The following BMP1 variants were observed in gnomAD, a reference collection of about 807,000 sequenced individuals.
The protein encoded by BMP1 is bone morphogenetic protein 1, also known as mammalian tolloid protein.
Under a neutral mutation model 116.8 loss-of-function variants are expected in BMP1, and 63 were observed. The ratio of observed to expected loss-of-function variants is 0.54; its 90% CI spans 0.44 to 0.67. The LOEUF (loss-of-function observed/expected upper bound fraction) is 0.67. Among genes scored for constraint, BMP1 ranks in the 30% least tolerant of loss-of-function variants. BMP1 has a pLI of 0.00. For missense variants in BMP1, 1,183 were observed against 1,358.9 expected (o/e 0.87, Z 2.04); for synonymous variants, 536 against 533.4 (o/e 1.00, Z -0.07).
At chr8:22,183,512 T>C (rs867154178) in intron 8 of BMP1, among the ~76,000 whole-genome samples, 1 of 152,098 alleles carries the variant, frequency 6.6e-6, no homozygotes, top group Non-Finnish European at 1.5e-5. Context: ...CATTACTCCA[T>C]CCTTGGGAAA....
intron 16 of BMP1, 54 bp downstream of exon 16, chr8:22,201,982 G>A (rs1448702605): frequency 1.3e-6 from 2 of 1,567,468 alleles, no homozygotes; most frequent in East Asian, 2.3e-5. Context: ...TGCTGGGAGT[G>A]GAAGCCCAGA....
chr8:22,179,871 G>A lies in BMP1; in HGVS notation c.961+42G>A, dbSNP rs999779877. On this transcript the variant is annotated intron_variant, in intron 7 of 19. Coordinates refer to ENST00000306385, the MANE Select transcript of BMP1 (RefSeq NM_006129.5). This position sits in a 1 kb window ranked among gnomAD's most constrained non-coding sequence, Gnocchi z 4.6. ...GATGGGTGAGGGCGTGGAGGGCAGGGCCTGAGGGAGGCAGAGGCCAGGTGC... is the reference window on the plus strand; with the variant it reads ...GATGGGTGAGGGCGTGGAGGGCAGGACCTGAGGGAGGCAGAGGCCAGGTGC... 1.9e-6 allele frequency: 3 copies of A among 1,580,290 alleles called. No homozygotes were observed. The highest frequency in any genetic ancestry group is 2.7e-5 in the African/African-American group (2 of 74,138).
chr8:22,191,035 A>C (rs992272016), intron 8 of BMP1, among the ~76,000 whole-genome samples: 3 of 152,176 alleles, frequency 2.0e-5, no homozygotes, highest in African/African-American at 7.2e-5. Context: ...GGAAGCCATT[A>C]AACTCTCTAC....
At chr8:22,201,341 G>A (rs2131896036) in intron 15 of BMP1, 2 of 1,495,522 alleles carry the variant, frequency 1.3e-6, no homozygotes, top group South Asian at 1.4e-5. Context: ...GACAGAACTG[G>A]TGCTCTCTTC....
Position 22,177,104 on chromosome 8 carries a change from G to A in BMP1, c.695G>A (p.Arg232His), listed in dbSNP as rs1177387113. 6.2e-7 allele frequency: 1 copy of A among 1,610,650 alleles called. No individual in the cohort carries two copies. The highest frequency in any genetic ancestry group is 1.7e-5 in the Admixed American group (1 of 59,784). ...WHEHTRPDRD[R>H]HVSIVRENIQ... is the part of the protein sequence containing the mutation. ...GAACACACTCGGCCAGACCGGGACC[G>A]CCACGTTTCCATCGTTCGTGAGAAC... Residue 232 changes from arginine (R) to histidine (H), a missense_variant, in exon 5 of 20, where the codon CGC becomes CAC. This residue lies in a region of BMP1 where 956 missense variants were observed against 1,135.2 expected (regional missense o/e 0.84). Coordinates refer to ENST00000306385, the MANE Select transcript of BMP1 (RefSeq NM_006129.5).
intron 2 of BMP1, 51 bp from the exon 3 acceptor site, chr8:22,176,092 C>G (rs1330887788): frequency 6.3e-7 from 1 of 1,580,086 alleles, no homozygotes; most frequent in Non-Finnish European, 8.6e-7. Flanking sequence ...TATGCTTTTG[C>G]TTTCCTCCTC....
chr8:22,192,534 T>C (rs991091574), intron 9 of BMP1, among the ~76,000 whole-genome samples: 1 of 152,224 alleles, frequency 6.6e-6, no homozygotes. Flanking sequence ...TATTTTTTTC[T>C]ATCTGCCCTT....
At position 22,177,232 on chromosome 8, in the gene BMP1, C is replaced by A; in HGVS notation, c.730+93C>A. On this transcript the variant is annotated intron_variant, in intron 5 of 19. Coordinates refer to ENST00000306385, the MANE Select transcript of BMP1 (RefSeq NM_006129.5). ...CTGGGGGCAGTGGCAGCCGCTCCAG[C>A]CAGCCGTCATCGCCTGGGCCCGCAG... is the stretch of plus-strand genomic sequence containing the variant. 3.0e-6 allele frequency: 4 copies of A among 1,342,592 alleles called. No homozygotes were observed. In the South Asian group the frequency reaches 4.2e-5, roughly 14 times the overall value. The allele number at this position is 1,342,592 out of a possible 1,614,324, so 83.2% of individuals were successfully genotyped here.
chr8:22,197,860 C>T (rs1009768686), intron 15 of BMP1, among the ~76,000 whole-genome samples: 31 of 152,138 alleles, frequency 2.0e-4, no homozygotes, highest in Admixed American at 9.2e-4. Flanking sequence ...ACCCTGCACA[C>T]GCCAAATAGG....
Position 22,180,439 on chromosome 8 carries a change from C to T in BMP1, c.1033C>T (p.His345Tyr), listed in dbSNP as rs746954049. ...SPEYPNGYSA[H>Y]MHCVWRISVT... ...TGAATACCCCAATGGCTACTCTGCT[C>T]ACATGCACTGCGTGTGGCGCATCTC... The change falls in exon 8 of 20, where the codon CAC becomes TAC. Residue 345 changes from histidine to tyrosine, a missense_variant. Coordinates refer to ENST00000306385, the MANE Select transcript of BMP1 (RefSeq NM_006129.5). 13 of 1,613,942 alleles carry T rather than the reference C, an allele frequency of 8.1e-6. No homozygotes were observed. Among genetic ancestry groups the T allele is most frequent in the Admixed American group, 1.7e-5 (1 of 59,998 alleles).
intron 12 of BMP1, 35 bp from the exon 13 acceptor site, chr8:22,195,427 C>T: frequency 3.8e-6 from 6 of 1,579,590 alleles, no homozygotes; most frequent in Non-Finnish European, 5.1e-6. Flanking sequence ...CCTTGAATGC[C>T]TGGAGTCTGT....
chr8:22,178,828 C>A (rs1828529765), intron 6 of BMP1, among the ~76,000 whole-genome samples: 2 of 152,110 alleles, frequency 1.3e-5, no homozygotes, highest in Admixed American at 1.3e-4. Flanking sequence ...CATTCCCAGG[C>A]CTGGTGCTTT....
At chr8:22,189,461 C>CTT (rs1563258633) in intron 8 of BMP1, among the ~76,000 whole-genome samples, 30 of 148,464 alleles carry the variant, frequency 2.0e-4, no homozygotes, top group East Asian at 7.8e-4. Context: ...CACACACACA[C>CTT]ATATCTTATA....
chr8:22,169,599 A>T (rs2131838458), intron 1 of BMP1: 1 of 152,400 alleles, frequency 6.6e-6, no homozygotes, highest in South Asian at 2.1e-4. Context: ...AGAAGTGTTC[A>T]CATGTGATGA....
chr8:22,197,548 CT>C (rs1829129939), intron 15 of BMP1, 128 bp downstream of exon 15: 2 of 998,830 alleles, frequency 2.0e-6, no homozygotes, highest in Non-Finnish European at 2.9e-6. Flanking sequence ...CTGCCCCCTG[CT>C]CCCCACCACT....
chr8:22,172,801 G>A (rs2131843377), intron 1 of BMP1, among the ~76,000 whole-genome samples: 1 of 151,816 alleles, frequency 6.6e-6, no homozygotes, highest in African/African-American at 2.4e-5. Flanking sequence ...ATTTTTTATA[G>A]AGACGGGGTT....
intron 15 of BMP1, chr8:22,201,214 G>A: frequency 4.3e-6 from 7 of 1,611,974 alleles, no homozygotes; most frequent in Non-Finnish European, 4.2e-6. Flanking sequence ...GGCCTGCCAG[G>A]CCTCCCGGAC....
chr8:22,206,938 GCA>G lies in BMP1; in HGVS notation c.2320_2321del (p.Thr774ValfsTer25). 6.2e-7 allele frequency: 1 copy of G among 1,614,228 alleles called. No individual in the cohort carries two copies. Among genetic ancestry groups the G allele is most frequent in the Non-Finnish European group, 8.5e-7 (1 of 1,180,030 alleles). On this transcript the variant is annotated frameshift_variant, in exon 17 of 20. Transcript: ENST00000306385. LOFTEE classifies it high-confidence loss of function. ...GACAAGTATCCCAGCAAGAAGGAGT[GCA>G]CGTGGGCCATCTCCAGCACCCCCGG...
intron 1 of BMP1, 84 bp downstream of exon 1, chr8:22,165,637 A>C: frequency 7.9e-7 from 1 of 1,272,940 alleles, no homozygotes; most frequent in East Asian, 4.1e-5. Context: ...AGGACAGTCC[A>C]GTGTGGGAAG....
Sources: gnomAD v4.1 joint callset for allele counts (sites outside exome capture counted in the v4.1 genomes callset) on GRCh38, gnomAD v4.1.1 for gene constraint, gnomAD v4.1.1 regional missense constraint, Gnocchi (gnomAD v3.1) non-coding constraint, MANE v1.5 for transcripts, NCBI Gene and HGNC (gene_info 2026-07-23, HGNC 2026-07-21) for gene names.